The following GCNT1 variants were observed in gnomAD, a reference collection of about 807,000 sequenced individuals.
The protein encoded by GCNT1 is glucosaminyl (N-acetyl) transferase 1.
GCNT1 carries 16 observed loss-of-function variants against 26.2 expected under a neutral mutation model. The observed-to-expected ratio is 0.61, with a 90% CI of 0.41 to 0.93. The LOEUF (loss-of-function observed/expected upper bound fraction) is 0.93, where lower values mean the gene tolerates loss of function less well. GCNT1 is among the 40% of genes least tolerant of loss of function. The pLI is 0.00. For synonymous variants in GCNT1, 183 were observed against 190.8 expected (o/e 0.96, Z 0.34); for missense variants, 477 against 526.7 (o/e 0.91, Z 0.92).
chr9:76,491,241 C>T (rs1274843576), intron 2 of GCNT1, among the ~76,000 whole-genome samples: 1 of 152,068 alleles, frequency 6.6e-6, no homozygotes, highest in Non-Finnish European at 1.5e-5. Context: ...CTCTGACTTT[C>T]TCTTTCTCTC....
At chr9:76,481,476 ACTT>A (rs548500258) in intron 2 of GCNT1, among the ~76,000 whole-genome samples, 108 of 151,656 alleles carry the variant, frequency 7.1e-4, no homozygotes, top group Admixed American at 5.7e-3. Flanking sequence ...GGCCAAAAAC[ACTT>A]CTTCTTTTTC....
chr9:76,482,930 G>T (rs2131618438), intron 2 of GCNT1, among the ~76,000 whole-genome samples: 1 of 151,368 alleles, frequency 6.6e-6, no homozygotes, highest in Middle Eastern at 3.4e-3. Flanking sequence ...GGGATTATAG[G>T]TGTGAGCCAC....
At chr9:76,422,528 G>T (rs1823209865) in intron 1 of GCNT1, among the ~76,000 whole-genome samples, 1 of 152,030 alleles carries the variant, frequency 6.6e-6, no homozygotes, top group South Asian at 2.1e-4. Flanking sequence ...AACCATTCTG[G>T]TGTTTTTTGT....
chr9:76,466,949 C>T (rs1433526903), intron 2 of GCNT1, among the ~76,000 whole-genome samples: 1 of 152,182 alleles, frequency 6.6e-6, no homozygotes, highest in Non-Finnish European at 1.5e-5. Context: ...TGGCCCTGTA[C>T]ACCTGAAATA....
Position 76,506,528 on chromosome 9 carries a change from G to A in GCNT1, c.*2860G>A, listed in dbSNP as rs1016437469. On this transcript the variant is annotated 3_prime_UTR_variant, in exon 4 of 4. Transcript: ENST00000376730. Reference sequence around the variant, plus strand: ...CAGCCTGGGTGACAGAGTGAAACTCGTATCTCCAAACAAACAAACAAAAAG... The same window carrying A: ...CAGCCTGGGTGACAGAGTGAAACTCATATCTCCAAACAAACAAACAAAAAG... 3.6e-5 allele frequency: 6 copies of A among 166,830 alleles called. No homozygotes were observed. Among genetic ancestry groups the A allele is most frequent in the African/African-American group, 1.4e-4 (6 of 41,442 alleles). 10.3% of individuals were successfully genotyped at this position (166,830 alleles called of 1,614,324 possible). A position where few individuals can be genotyped will look rare whatever the true frequency, so the allele number is the denominator to read the frequency against.
At chr9:76,466,212 C>T (rs953355577) in intron 2 of GCNT1, among the ~76,000 whole-genome samples, 4 of 152,116 alleles carry the variant, frequency 2.6e-5, no homozygotes, top group African/African-American at 7.2e-5. Context: ...GATATTCATG[C>T]AGGGCAGGGA....
At chr9:76,460,799 G>A (rs937096694) in intron 2 of GCNT1, among the ~76,000 whole-genome samples, 2 of 152,086 alleles carry the variant, frequency 1.3e-5, no homozygotes, top group African/African-American at 4.8e-5. Context: ...TCCATTTCAT[G>A]ATGAGGGTTT....
intron 1 of GCNT1, among the ~76,000 whole-genome samples, chr9:76,451,124 T>C (rs1478394306): frequency 6.6e-6 from 1 of 152,274 alleles, no homozygotes; most frequent in Non-Finnish European, 1.5e-5. Flanking sequence ...AGTACCTTAC[T>C]CTTTTATGTC....
chr9:76,460,784 T>C (rs1232898544), intron 2 of GCNT1, among the ~76,000 whole-genome samples: 1 of 152,222 alleles, frequency 6.6e-6, no homozygotes, highest in African/African-American at 2.4e-5. Context: ...GAGGTTGATA[T>C]TTTTTCCATT....
At chr9:76,493,824 T>C (rs1433903742) in intron 2 of GCNT1, among the ~76,000 whole-genome samples, 3 of 152,154 alleles carry the variant, frequency 2.0e-5, no homozygotes, top group Admixed American at 1.3e-4. Flanking sequence ...TTGCCTTCCC[T>C]TTTACAGAAA....
upstream of GCNT1, among the ~76,000 whole-genome samples, chr9:76,440,706 C>G (rs1480246201): frequency 6.6e-6 from 1 of 152,132 alleles, no homozygotes. Context: ...TTTAGAGCTA[C>G]CTAAGAGGAG....
In GCNT1 at chr9:76,506,678, C is replaced by A. The variant is rs1287043552; in HGVS notation, c.*3010C>A. On this transcript the variant is annotated 3_prime_UTR_variant, in exon 4 of 4. Coordinates refer to ENST00000376730, the MANE Select transcript of GCNT1 (RefSeq NM_001490.5). ...TAAAAATTGTTCTTTATTTTACAGG[C>A]AGTTACTGAGGCTCTTCCCAGATCT... 3 of 167,052 alleles carry A rather than the reference C, an allele frequency of 1.8e-5. No homozygotes were observed. Among genetic ancestry groups the A allele is most frequent in the Non-Finnish European group, 4.4e-5 (3 of 68,120 alleles). 10.3% of individuals were successfully genotyped at this position (167,052 alleles called of 1,614,324 possible).
chr9:76,486,935 AC>A (rs1824595791), intron 2 of GCNT1, among the ~76,000 whole-genome samples: 1 of 151,756 alleles, frequency 6.6e-6, no homozygotes, highest in African/African-American at 2.4e-5. Flanking sequence ...AAACAAACAA[AC>A]AAACAAAACT....
upstream of GCNT1, among the ~76,000 whole-genome samples, chr9:76,457,845 A>G (rs1177366250): frequency 6.6e-6 from 1 of 152,136 alleles, no homozygotes. Flanking sequence ...CCATTGAAGG[A>G]GTTCAGGAGT....
rs1450961693 is a variant in GCNT1, at chr9:76,505,182, A to G, written c.*1514A>G. 1 of 386,330 alleles carries G rather than the reference A, an allele frequency of 2.6e-6. No homozygotes were observed. Among genetic ancestry groups the G allele is most frequent in the Non-Finnish European group, 4.8e-6 (1 of 209,494 alleles). 23.9% of individuals were successfully genotyped at this position (386,330 alleles called of 1,614,324 possible). ...TTTTTAAAATCTAGCCAAATTAAATAGTACATGAGAAATTCAGAGTATTAG... is the reference window on the plus strand; with the variant it reads ...TTTTTAAAATCTAGCCAAATTAAATGGTACATGAGAAATTCAGAGTATTAG... On this transcript the variant is annotated 3_prime_UTR_variant, in exon 4 of 4. Coordinates refer to ENST00000376730, the MANE Select transcript of GCNT1 (RefSeq NM_001490.5).
At position 76,428,190 on chromosome 9, in the gene GCNT1, C is replaced by T. The variant is rs533201407; in HGVS notation, n.38+8303C>T. ...CTGAGGCAGGAGAATGGCGTGAGCC[C>T]GGGAGGTGGAGCTTGCAGTGAGCCG... On this transcript the variant is annotated intron_variant and non_coding_transcript_variant, in intron 1 of 3. Transcript: ENST00000488136. Among the ~76,000 whole-genome samples, 7 of 139,366 alleles carry T rather than the reference C, an allele frequency of 5.0e-5. No individual in the cohort carries two copies. In the South Asian group the frequency reaches 9.6e-4, roughly 19 times the overall value. 91.4% of individuals were successfully genotyped at this position (139,366 alleles called of 152,430 possible). A position where few individuals can be genotyped will look rare whatever the true frequency, so the allele number is the denominator to read the frequency against.
chr9:76,452,014 G>A (rs7853623), intron 1 of GCNT1, among the ~76,000 whole-genome samples: 57,383 of 145,766 alleles, frequency 0.39, 11,685 homozygotes, highest in Non-Finnish European at 0.43. Flanking sequence ...TGTCGCCCAG[G>A]CTGGAGTGCA....
the GCNT1 span, among the ~76,000 whole-genome samples, chr9:76,403,483 T>G: frequency 6.6e-5 from 10 of 152,310 alleles, no homozygotes; most frequent in Middle Eastern, 6.8e-3. Context: ...AGATGGCATA[T>G]TAAAATTTTG....
At chr9:76,485,250 TC>T (rs1403033944) in intron 2 of GCNT1, among the ~76,000 whole-genome samples, 3 of 151,762 alleles carry the variant, frequency 2.0e-5, no homozygotes, top group Admixed American at 6.6e-5. Flanking sequence ...TCGGCTCACT[TC>T]AACCTCCACC....
Sources: allele counts gnomAD v4.1 joint callset (sites outside exome capture counted in the v4.1 genomes callset), GRCh38; gene constraint gnomAD v4.1.1; transcripts MANE v1.5; gene names NCBI Gene and HGNC (gene_info 2026-07-23, HGNC 2026-07-21).